Variants in CNTNAP2 observed in about 807,000 individuals in gnomAD.
CNTNAP2 encodes the protein contactin associated protein 2.
A neutral mutation model predicts 155.2 loss-of-function variants in CNTNAP2; 98 were observed. The observed-to-expected ratio is 0.63, with a 90% confidence interval of 0.54 to 0.75. The LOEUF (loss-of-function observed/expected upper bound fraction) is 0.75. Among genes scored for constraint, CNTNAP2 ranks in the 30% least tolerant of loss-of-function variants. CNTNAP2 has a pLI of 0.00. For missense variants in CNTNAP2, 1,727 were observed against 1,688.1 expected (o/e 1.02, Z -0.40); for synonymous variants, 651 against 631.2 (o/e 1.03, Z -0.47).
intron 12 of CNTNAP2, among the ~76,000 whole-genome samples, chr7:147,598,962 C>A (rs1423839230): frequency 2.0e-5 from 3 of 152,120 alleles, no homozygotes; most frequent in Admixed American, 6.6e-5. Context: ...CCCAGCCATG[C>A]TGAACTGTGA....
At chr7:147,701,747 A>G (rs941170412) in intron 13 of CNTNAP2, among the ~76,000 whole-genome samples, 6 of 152,184 alleles carry the variant, frequency 3.9e-5, no homozygotes, top group Non-Finnish European at 5.9e-5. Flanking sequence ...GACGTGGTAT[A>G]TTCAGTTTAA....
chr7:146,721,315 T>TATTCTATATATACATTCTATATAC (rs1554472368), intron 1 of CNTNAP2, among the ~76,000 whole-genome samples: 1 of 117,342 alleles, frequency 8.5e-6, no homozygotes, highest in Non-Finnish European at 1.6e-5. Flanking sequence ...ATTCTATATA[T>TATTCTATATATACATTCTATATAC]ATTCTATATA....
In CNTNAP2 at chr7:147,282,281, T is replaced by G. The variant is rs1419962152; in HGVS notation, c.1349-17860T>G. On this transcript the variant is annotated intron_variant, in intron 8 of 23. Coordinates refer to ENST00000361727, the MANE Select transcript of CNTNAP2 (RefSeq NM_014141.6). ...TATAAATCAGGTGTGACCAGCCACATGAAACTCCTTTCTCAAATAATGTAT... is the reference window on the plus strand; with the variant it reads ...TATAAATCAGGTGTGACCAGCCACAGGAAACTCCTTTCTCAAATAATGTAT... Among the ~76,000 whole-genome samples the G allele has an allele frequency of 3.3e-5, 5 of 151,936 alleles. No individual in the cohort carries two copies. In the East Asian group the frequency reaches 9.7e-4, roughly 29 times the overall value.
chr7:147,832,685 TTA>T (rs982992478), intron 13 of CNTNAP2, among the ~76,000 whole-genome samples: 1 of 146,834 alleles, frequency 6.8e-6, no homozygotes, highest in African/African-American at 2.5e-5. Flanking sequence ...ATATTTCATA[TTA>T]TATTTCAATA....
chr7:146,777,337 A>G (rs919249358), intron 2 of CNTNAP2, among the ~76,000 whole-genome samples: 2 of 152,186 alleles, frequency 1.3e-5, no homozygotes, highest in African/African-American at 2.4e-5. Flanking sequence ...GCCCTCCCCA[A>G]CGCTCTCATT....
intron 4 of CNTNAP2, among the ~76,000 whole-genome samples, chr7:147,094,703 T>G (rs753835389): frequency 4.6e-5 from 7 of 152,030 alleles, no homozygotes; most frequent in Non-Finnish European, 8.8e-5. Context: ...TTTTAAAGCA[T>G]GAACTTTGTA....
chr7:147,808,274 C>T (rs975023761), intron 13 of CNTNAP2, among the ~76,000 whole-genome samples: 2 of 152,108 alleles, frequency 1.3e-5, no homozygotes, highest in Non-Finnish European at 2.9e-5. Context: ...AACATCGAGG[C>T]CCGGAAAGGG....
At chr7:148,314,158 G>A (rs1387934250) in intron 21 of CNTNAP2, among the ~76,000 whole-genome samples, 1 of 152,248 alleles carries the variant, frequency 6.6e-6, no homozygotes, top group African/African-American at 2.4e-5. Context: ...TGTAGAAAAG[G>A]AAGATTAGAA....
intron 13 of CNTNAP2, among the ~76,000 whole-genome samples, chr7:147,657,451 T>A (rs17248680): frequency 0.12 from 18,289 of 151,522 alleles, 1,431 homozygotes; most frequent in Admixed American, 0.24. Flanking sequence ...ATGTAAATTT[T>A]AAAAAATGAT....
At chr7:148,158,238 T>G (rs1805442322) in intron 17 of CNTNAP2, among the ~76,000 whole-genome samples, 2 of 144,000 alleles carry the variant, frequency 1.4e-5, no homozygotes, top group Non-Finnish European at 3.0e-5. Context: ...TTTTTTTTTT[T>G]TTTGAGACAG....
chr7:147,863,553 A>G (rs989355131), intron 13 of CNTNAP2, among the ~76,000 whole-genome samples: 3 of 152,200 alleles, frequency 2.0e-5, no homozygotes, highest in Non-Finnish European at 4.4e-5. Flanking sequence ...CCAACAGTGT[A>G]AAAGCATTTC....
intron 1 of CNTNAP2, among the ~76,000 whole-genome samples, chr7:146,473,068 A>T (rs1171298638): frequency 6.6e-6 from 1 of 151,856 alleles, no homozygotes; most frequent in African/African-American, 2.4e-5. Flanking sequence ...AATTTTCAAC[A>T]TTTGAGATTT....
intron 1 of CNTNAP2, among the ~76,000 whole-genome samples, chr7:146,432,343 A>C (rs1157022884): frequency 6.6e-6 from 1 of 152,132 alleles, no homozygotes; most frequent in African/African-American, 2.4e-5. Context: ...CATACTATAA[A>C]GTTTAAGACA....
intron 15 of CNTNAP2, among the ~76,000 whole-genome samples, chr7:147,978,555 C>T (rs1801470394): frequency 6.6e-6 from 1 of 152,076 alleles, no homozygotes; most frequent in Non-Finnish European, 1.5e-5. Context: ...GAATTTGGGG[C>T]TGCTAGCTTG....
chr7:147,685,760 G>A (rs895489713), intron 13 of CNTNAP2, among the ~76,000 whole-genome samples: 4 of 151,960 alleles, frequency 2.6e-5, no homozygotes, highest in Non-Finnish European at 5.9e-5. Context: ...GCAAGAAAAA[G>A]GAATAGTGAG....
chr7:147,440,861 G>A (rs1451303312), intron 10 of CNTNAP2, among the ~76,000 whole-genome samples: 2 of 151,960 alleles, frequency 1.3e-5, no homozygotes, highest in Non-Finnish European at 2.9e-5. Context: ...CATGTTATTT[G>A]TTTCTTTTCT....
intron 3 of CNTNAP2, among the ~76,000 whole-genome samples, chr7:146,996,551 G>A (rs1798311295): frequency 6.6e-6 from 1 of 151,896 alleles, no homozygotes; most frequent in African/African-American, 2.4e-5. Context: ...TTTGATTTTT[G>A]TGTTAATTTT....
At chr7:147,516,731 G>A (rs1266188696) in intron 11 of CNTNAP2, among the ~76,000 whole-genome samples, 2 of 151,670 alleles carry the variant, frequency 1.3e-5, no homozygotes, top group African/African-American at 2.4e-5. Context: ...TAAACACTGA[G>A]CTTTTAATTT....
chr7:146,728,034 C>T (rs1247439742), intron 1 of CNTNAP2, among the ~76,000 whole-genome samples: 6 of 152,130 alleles, frequency 3.9e-5, no homozygotes. Flanking sequence ...ACGATTTCAA[C>T]TCACGGTGGC....
Sources: gnomAD v4.1 joint callset for allele counts (sites outside exome capture counted in the v4.1 genomes callset) on GRCh38, gnomAD v4.1.1 for gene constraint, MANE v1.5 for transcripts, NCBI Gene and HGNC (gene_info 2026-07-23, HGNC 2026-07-21) for gene names.